PCDHGA4: variants seen among roughly 807,000 people sequenced by gnomAD.
PCDHGA4 encodes protocadherin gamma-A4.
A neutral mutation model predicts 54.6 loss-of-function variants in PCDHGA4; 38 were observed. That is an observed-to-expected ratio of 0.70 (90% confidence interval 0.54 to 0.91). The LOEUF (loss-of-function observed/expected upper bound fraction) is 0.91, where lower values mean the gene tolerates loss of function less well. Ranked by LOEUF, PCDHGA4 falls within the 40% of genes least tolerant of loss-of-function variation. The pLI, the probability that PCDHGA4 is intolerant of heterozygous loss-of-function variation, is 0.00. For synonymous variants in PCDHGA4, 511 were observed against 512.9 expected, an observed-to-expected ratio of 1.00 and a Z score of 0.05; for missense variants, 1,298 against 1,220.9, an observed-to-expected ratio of 1.06 and a Z score of -0.94.
chr5:141,405,797 T>C (rs1589594153), intron 1 of PCDHGA4, among the ~76,000 whole-genome samples: 1 of 148,508 alleles, frequency 6.7e-6, no homozygotes, highest in Non-Finnish European at 1.5e-5. Flanking sequence ...CTATTATAGT[T>C]AGCTTTCTCT....
At chr5:141,410,544 G>A (rs1370251538) in intron 1 of PCDHGA4, 3 of 1,613,640 alleles carry the variant, frequency 1.9e-6, no homozygotes, top group Non-Finnish European at 2.5e-6. Flanking sequence ...GACATGGTTT[G>A]CAGTGTTTCT....
chr5:141,501,228 A>G (rs1054674676), intron 2 of PCDHGA4, among the ~76,000 whole-genome samples: 10 of 149,588 alleles, frequency 6.7e-5, no homozygotes, highest in African/African-American at 2.5e-4. Context: ...TAGATTTCTC[A>G]GTTTTTTGAG....
At chr5:141,441,102 C>G (rs1057297804) in intron 1 of PCDHGA4, 1 of 152,148 alleles carries the variant, frequency 6.6e-6, no homozygotes, top group East Asian at 1.9e-4. Context: ...GAGAGGGACT[C>G]ATTGTCCAGT....
intron 1 of PCDHGA4, chr5:141,359,944 G>T: frequency 2.0e-6 from 1 of 508,210 alleles, no homozygotes; most frequent in Non-Finnish European, 3.2e-6. Flanking sequence ...CGTCGCTGTT[G>T]GTCAAAAGAA....
chr5:141,377,417 G>A (rs1773959916), intron 1 of PCDHGA4: 1 of 152,028 alleles, frequency 6.6e-6, no homozygotes, highest in Non-Finnish European at 1.5e-5. Context: ...ACCAGCCTGG[G>A]TGACTCTGTC....
intron 1 of PCDHGA4, 129 bp from the exon 2 acceptor site, chr5:141,494,678 G>T: frequency 1.3e-6 from 2 of 1,554,384 alleles, no homozygotes; most frequent in East Asian, 4.7e-5. Flanking sequence ...GTCCACCCCT[G>T]CCCCCTCTTA....
intron 1 of PCDHGA4, chr5:141,405,103 G>T (rs368202826): frequency 3.1e-6 from 5 of 1,613,804 alleles, no homozygotes; most frequent in Non-Finnish European, 4.2e-6. Flanking sequence ...TCAGGCTGAG[G>T]CACTGGCACT....
At position 141,432,730 on chromosome 5, in the gene PCDHGA4, T is replaced by A; in HGVS notation, c.2515-62077T>A. 6.2e-7 allele frequency: 1 copy of A among 1,614,052 alleles called. No homozygotes were observed. Among genetic ancestry groups the A allele is most frequent in the Non-Finnish European group, 8.5e-7 (1 of 1,179,976 alleles). Reference sequence around the variant, plus strand: ...ACGGCCAGCCCCCTCTCTCCGCCACTGTCACGCTCACCGTGGCCGTGGCCG... The same window carrying A: ...ACGGCCAGCCCCCTCTCTCCGCCACAGTCACGCTCACCGTGGCCGTGGCCG... On this transcript the variant is annotated intron_variant, in intron 1 of 3. Transcript: ENST00000571252. The surrounding 1 kb of genome is among the most constrained non-coding windows in gnomAD (Gnocchi z 6.0).
chr5:141,416,458 G>A (rs1391820726), intron 1 of PCDHGA4: 1 of 152,194 alleles, frequency 6.6e-6, no homozygotes, highest in Non-Finnish European at 1.5e-5. Flanking sequence ...TGGGAAGACA[G>A]ATAAATTTGT....
chr5:141,406,375 T>C (rs1427638211), intron 1 of PCDHGA4, among the ~76,000 whole-genome samples: 1 of 152,186 alleles, frequency 6.6e-6, no homozygotes, highest in Non-Finnish European at 1.5e-5. Flanking sequence ...GGTAAACTGA[T>C]AAAAAGGTAA....
In PCDHGA4 at chr5:141,511,307, G is replaced by A. The variant is rs919320754; in HGVS notation, c.*134G>A. On this transcript the variant is annotated 3_prime_UTR_variant, in exon 4 of 4. Coordinates refer to ENST00000571252, the MANE Select transcript of PCDHGA4 (RefSeq NM_018917.4). ...TAGGGGCCAAGGCCATGCTCCCCTT[G>A]GGAAACAGAAACAAGTGCCCAGTCA... 8 of 1,488,416 alleles carry A rather than the reference G, an allele frequency of 5.4e-6. No individual in the cohort carries two copies. Among genetic ancestry groups the A allele is most frequent in the Non-Finnish European group, 5.4e-6 (6 of 1,115,202 alleles). The allele number at this position is 1,488,416 out of a possible 1,614,324, so 92.2% of individuals were successfully genotyped here. A position where few individuals can be genotyped will look rare whatever the true frequency, so the allele number is the denominator to read the frequency against.
intron 1 of PCDHGA4, chr5:141,408,651 C>T (rs373860648): frequency 6.2e-7 from 1 of 1,614,012 alleles, no homozygotes; most frequent in Non-Finnish European, 8.5e-7. Flanking sequence ...TCCGCTGGTA[C>T]ACGACTATCG....
Position 141,491,844 on chromosome 5 carries a change from G to A in PCDHGA4, c.2515-2963G>A. On this transcript the variant is annotated intron_variant, in intron 1 of 3. Transcript: ENST00000571252. The surrounding 1 kb of genome is among the most constrained non-coding windows in gnomAD (Gnocchi z 6.9). ...GCTCCACCCGATTCTCGGGATCATT[G>A]GACCGTTTGCGCGAAACCAGAGTGG... 1 of 1,464,184 alleles carries A rather than the reference G, an allele frequency of 6.8e-7. No homozygotes were observed. 90.7% of individuals were successfully genotyped at this position (1,464,184 alleles called of 1,614,324 possible).
At chr5:141,405,218 G>C in intron 1 of PCDHGA4, 3 of 1,613,986 alleles carry the variant, frequency 1.9e-6, no homozygotes, top group Non-Finnish European at 2.5e-6. Context: ...CTATTCTCAG[G>C]AGTTCTCCCT....
chr5:141,383,541 C>T lies in PCDHGA4; in HGVS notation c.2514+25920C>T, dbSNP rs1197504109. 4 of 1,612,656 alleles carry T rather than the reference C, an allele frequency of 2.5e-6. No individual in the cohort carries two copies. In the East Asian group the frequency reaches 6.7e-5, roughly 27 times the overall value. ...GGGTTCACCACCTGGTCCTCACAGC[C>T]TCTGATGGCGGCGACCCGCCCCGAT... On this transcript the variant is annotated intron_variant, in intron 1 of 3. Coordinates refer to ENST00000571252, the MANE Select transcript of PCDHGA4 (RefSeq NM_018917.4).
intron 1 of PCDHGA4, chr5:141,442,111 C>A: frequency 6.0e-6 from 1 of 166,354 alleles, no homozygotes; most frequent in Non-Finnish European, 1.3e-5. Context: ...CACTACCGCC[C>A]CTCGTCGCCG....
At chr5:141,504,785 G>A (rs1439244687) in intron 2 of PCDHGA4, among the ~76,000 whole-genome samples, 1 of 151,964 alleles carries the variant, frequency 6.6e-6, no homozygotes, top group East Asian at 1.9e-4. Context: ...GTCTCTTGGG[G>A]CCTCCTACAT....
chr5:141,359,411 G>A (rs1467965013), intron 1 of PCDHGA4, among the ~76,000 whole-genome samples: 1 of 151,822 alleles, frequency 6.6e-6, no homozygotes, highest in Non-Finnish European at 1.5e-5. Flanking sequence ...TTTAAAAAAT[G>A]TGTTTTTGTT....
intron 1 of PCDHGA4, chr5:141,400,228 C>T: frequency 1.2e-6 from 2 of 1,614,030 alleles, no homozygotes; most frequent in African/African-American, 2.7e-5. Flanking sequence ...GCTCTTCCTC[C>T]TGGCCGTGAT....
Sources: allele counts gnomAD v4.1 joint callset (sites outside exome capture counted in the v4.1 genomes callset), GRCh38; gene constraint gnomAD v4.1.1; non-coding constraint Gnocchi (gnomAD v3.1); transcripts MANE v1.5; gene names NCBI Gene and HGNC (gene_info 2026-07-23, HGNC 2026-07-21).